PGR: variants seen among roughly 807,000 people sequenced by gnomAD.
The protein encoded by PGR is progesterone receptor, also known as nuclear receptor subfamily 3 group C member 3.
PGR carries 25 observed loss-of-function variants against 76.1 expected under a neutral mutation model. That is an observed-to-expected ratio of 0.33 (90% CI 0.24 to 0.46). The LOEUF (loss-of-function observed/expected upper bound fraction) is 0.46, where lower values mean the gene tolerates loss of function less well. Among genes scored for constraint, PGR ranks in the 20% least tolerant of loss-of-function variants. PGR has a pLI of 1.00. For missense variants in PGR, 1,172 were observed against 1,225.3 expected (o/e 0.96, Z 0.65); for synonymous variants, 579 against 535.0 (o/e 1.08, Z -1.14).
In PGR at chr11:101,127,488, G is replaced by A. The variant is rs1467146506; in HGVS notation, c.1583C>T (p.Ala528Val). 3 of 1,556,310 alleles carry A rather than the reference G, an allele frequency of 1.9e-6. No individual in the cohort carries two copies. The highest frequency in any genetic ancestry group is 3.7e-4 in the Middle Eastern group (2 of 5,404). ...NGLPQLGYQA[A>V]VLKEGLPQVY... Reference sequence around the variant, plus strand: ...CTGCGGCAGGCCCTCCTTGAGCACGGCGGCCTGGTAGCCGAGCTGCGGGAG... The same window carrying A: ...CTGCGGCAGGCCCTCCTTGAGCACGACGGCCTGGTAGCCGAGCTGCGGGAG... Residue 528 changes from alanine (A) to valine (V), a missense_variant, in exon 1 of 8, where the codon GCC becomes GTC. This residue lies in a region of PGR where 893 missense variants were observed against 785.9 expected (regional missense o/e 1.14). Coordinates refer to ENST00000325455, the MANE Select transcript of PGR (RefSeq NM_000926.4).
chr11:101,059,749 G>A (rs943399738), intron 4 of PGR, among the ~76,000 whole-genome samples: 38 of 149,210 alleles, frequency 2.5e-4, no homozygotes, highest in Non-Finnish European at 5.0e-4. Context: ...AGGCTGAGGT[G>A]GTAGGATAAC....
At position 101,104,800 on chromosome 11, in the gene PGR, C is replaced by T. The variant is rs11571168; in HGVS notation, c.1790-12924G>A. On this transcript the variant is annotated intron_variant, in intron 2 of 7. Coordinates refer to ENST00000325455, the MANE Select transcript of PGR (RefSeq NM_000926.4). ...CCAAATTTTTCTTTTCTTTTTTTTT[C>T]AGCAAATAAATTTTAGGCATATTTT... Among the ~76,000 whole-genome samples the T allele has an allele frequency of 8.1e-3, 1,223 of 151,484 alleles. 17 individuals are homozygous for T. Among genetic ancestry groups the T allele is most frequent in the African/African-American group, 0.026 (1,080 of 41,346 alleles).
chr11:101,055,316 T>A (rs979390666), intron 4 of PGR, among the ~76,000 whole-genome samples: 1 of 144,314 alleles, frequency 6.9e-6, no homozygotes, highest in African/African-American at 2.6e-5. Flanking sequence ...CTTGGGAGGA[T>A]GAGGCAGGAG....
At chr11:101,127,304 G>C in intron 1 of PGR, 130 bp downstream of exon 1, 2 of 590,656 alleles carry the variant, frequency 3.4e-6, no homozygotes, top group Non-Finnish European at 5.5e-6. Context: ...GTGTCCCGCT[G>C]CCCACCCTCT....
rs148177226 is a variant in PGR at position 101,124,209 on chromosome 11, C to T, written c.1789+1798G>A. The stretch of plus-strand genomic sequence containing the variant: ...AAGACTATAGGACCATGCCAACAGC[C>T]GGAGTCCAACAAATGCTTTCTAAGA... On this transcript the variant is annotated intron_variant, in intron 2 of 7. Transcript: ENST00000325455. Among the ~76,000 whole-genome samples the T allele has an allele frequency of 4.3e-3, 658 of 152,254 alleles. 8 individuals carry two copies. Among genetic ancestry groups the T allele is most frequent in the African/African-American group, 0.015 (637 of 41,546 alleles).
At chr11:101,055,270 A>G (rs1437542563) in intron 4 of PGR, among the ~76,000 whole-genome samples, 1 of 151,752 alleles carries the variant, frequency 6.6e-6, no homozygotes, top group Non-Finnish European at 1.5e-5. Context: ...AAAATTAGCT[A>G]GGTGTGGTGG....
At chr11:101,088,389 T>C (rs1861564230) in intron 3 of PGR, among the ~76,000 whole-genome samples, 2 of 152,190 alleles carry the variant, frequency 1.3e-5, no homozygotes, top group African/African-American at 2.4e-5. Context: ...TGGAGTGCAG[T>C]GGCGCGAACT....
chr11:101,128,960 C>T lies in PGR; in HGVS notation c.111G>A (p.Pro37=), dbSNP rs752920291. The T allele has an allele frequency of 5.0e-6, 8 of 1,606,558 alleles. No homozygotes were observed. The South Asian group carries it at 6.6e-5, about 13-fold the overall frequency. The change falls in exon 1 of 8, where the codon CCG becomes CCA. Residue 37 remains proline, a synonymous_variant. Coordinates refer to ENST00000325455, the MANE Select transcript of PGR (RefSeq NM_000926.4). ...LLCRPAAGPF[P]GSQTSDTLPE... ...GCAAGGTGTCCGAGGTCTGGCTCCC[C>T]GGGAACGGACCTGCGGCTGGGCGAC...
In PGR at chr11:101,044,712, T is replaced by A. The variant is rs902007980; in HGVS notation, c.2489-2610A>T. On this transcript the variant is annotated intron_variant, in intron 6 of 7. Coordinates refer to ENST00000325455, the MANE Select transcript of PGR (RefSeq NM_000926.4). ...GTTGGCCTAATTGCTTTTTTTTTTT[T>A]TTTTTTTTTTTTGACACAGGGTCTT... 6.6e-4 allele frequency among the ~76,000 whole-genome samples: 97 copies of A among 146,808 alleles called. 1 individual carries two copies. Among genetic ancestry groups the A allele is most frequent in the Non-Finnish European group, 9.9e-4 (66 of 66,678 alleles).
At chr11:101,049,888 G>A in intron 6 of PGR, 41 bp downstream of exon 6, 1 of 1,552,366 alleles carries the variant, frequency 6.4e-7, no homozygotes, top group Non-Finnish European at 8.9e-7. Context: ...AATGAATTAA[G>A]AAACTAGATA....
intron 3 of PGR, chr11:101,063,806 T>C (rs2135413040): frequency 6.6e-6 from 1 of 152,280 alleles, no homozygotes; most frequent in South Asian, 2.1e-4. Flanking sequence ...GTGAATTACT[T>C]AGGTGGCAAC....
Position 101,051,515 on chromosome 11 carries a change from T to C in PGR, c.2266A>G (p.Met756Val). ...DQITLIQYSWMSLMVFGLGWR... is the reference protein window; with the variant it reads ...DQITLIQYSWVSLMVFGLGWR... The stretch of plus-strand genomic sequence containing the variant: ...CCTAGACCAAACACCATTAAGCTCA[T>C]CCAAGAATACTGAATGAGAGTTATC... Residue 756 changes from methionine (M) to valine (V), a missense_variant, in exon 5 of 8, where the codon ATG becomes GTG. Physicochemically the swap from Met to Val is conservative, Grantham distance 21. Coordinates refer to ENST00000325455, the MANE Select transcript of PGR (RefSeq NM_000926.4). 6.2e-7 allele frequency: 1 copy of C among 1,609,974 alleles called. No individual in the cohort carries two copies. The highest frequency in any genetic ancestry group is 8.5e-7 in the Non-Finnish European group (1 of 1,176,550).
intron 2 of PGR, among the ~76,000 whole-genome samples, chr11:101,092,262 A>T (rs1188229819): frequency 6.6e-6 from 1 of 152,206 alleles, no homozygotes; most frequent in Non-Finnish European, 1.5e-5. Context: ...TCTTTCTGAC[A>T]TTGATGCCTT....
intron 4 of PGR, among the ~76,000 whole-genome samples, chr11:101,060,083 T>G (rs1456594309): frequency 2.0e-5 from 3 of 152,148 alleles, no homozygotes; most frequent in Non-Finnish European, 4.4e-5. Context: ...GCATCAGATC[T>G]TAATGTGACT....
chr11:101,085,525 T>TAAAAAAAAAAAAAAAAAAAA (rs1212568882), intron 3 of PGR, among the ~76,000 whole-genome samples: 11 of 42,278 alleles, frequency 2.6e-4, no homozygotes, highest in Non-Finnish European at 2.7e-4. Flanking sequence ...CTAGAGGAAC[T>TAAAAAAAAAAAAAAAAAAAA]AAAAAAAAAA....
intron 2 of PGR, among the ~76,000 whole-genome samples, chr11:101,107,380 C>A (rs1000157910): frequency 6.6e-6 from 1 of 152,136 alleles, no homozygotes; most frequent in Non-Finnish European, 1.5e-5. Context: ...CTTCCAAATG[C>A]CCTAATTATT....
intron 2 of PGR, among the ~76,000 whole-genome samples, chr11:101,111,055 C>T (rs1456230873): frequency 6.6e-6 from 1 of 152,094 alleles, no homozygotes; most frequent in Non-Finnish European, 1.5e-5. Context: ...TTTTTAGATA[C>T]CAGAAAGCAA....
At chr11:101,124,266 G>T (rs1862770196) in intron 2 of PGR, among the ~76,000 whole-genome samples, 1 of 152,138 alleles carries the variant, frequency 6.6e-6, no homozygotes, top group Admixed American at 6.5e-5. Context: ...CTACAGTTTT[G>T]GATGCTATTC....
chr11:101,117,885 CTACTTT>C (rs527390838), intron 2 of PGR, among the ~76,000 whole-genome samples: 1 of 152,212 alleles, frequency 6.6e-6, no homozygotes, highest in South Asian at 2.1e-4. Context: ...ATGGTAAATT[CTACTTT>C]TTAGGATTGT....
Sources: allele counts gnomAD v4.1 joint callset (sites outside exome capture counted in the v4.1 genomes callset), GRCh38; gene constraint gnomAD v4.1.1; regional missense constraint gnomAD v4.1.1; transcripts MANE v1.5; gene names NCBI Gene and HGNC (gene_info 2026-07-23, HGNC 2026-07-21).